Variants in SNTG1 observed in about 807,000 individuals in gnomAD.
SNTG1 encodes syntrophin gamma 1.
A neutral mutation model predicts 74.7 loss-of-function variants in SNTG1; 39 were observed. The observed-to-expected ratio is 0.52, with a 90% CI of 0.40 to 0.68. The LOEUF is 0.68. SNTG1 is among the 30% of genes least tolerant of loss of function. The pLI, the probability that SNTG1 is intolerant of heterozygous loss-of-function variation, is 0.00. For missense variants in SNTG1, 685 were observed against 609.5 expected, an observed-to-expected ratio of 1.12 and a Z score of -1.30; for synonymous variants, 254 against 217.1, an observed-to-expected ratio of 1.17 and a Z score of -1.49.
At chr8:50,498,203 T>C (rs75217011) in intron 8 of SNTG1, among the ~76,000 whole-genome samples, 8,248 of 152,012 alleles carry the variant, frequency 0.054, 338 homozygotes, top group South Asian at 0.18. Flanking sequence ...CCAAAATCAT[T>C]GTGACATTTT....
intron 9 of SNTG1, among the ~76,000 whole-genome samples, chr8:50,514,545 C>T (rs981447897): frequency 1.3e-5 from 2 of 152,078 alleles, no homozygotes; most frequent in Non-Finnish European, 2.9e-5. Flanking sequence ...TTTCAGTTCT[C>T]TCTCTGCTAT....
intron 1 of SNTG1, among the ~76,000 whole-genome samples, chr8:50,002,772 C>T (rs752599724): frequency 2.6e-5 from 4 of 152,052 alleles, no homozygotes; most frequent in Non-Finnish European, 5.9e-5. Flanking sequence ...AAAATAAAAA[C>T]ATATGCCCAT....
intron 17 of SNTG1, among the ~76,000 whole-genome samples, chr8:50,717,681 G>A (rs1232751577): frequency 6.6e-6 from 1 of 152,144 alleles, no homozygotes. Flanking sequence ...TACAGACACA[G>A]TGAGCCTCAT....
chr8:49,930,094 C>T (rs1807424175), intron 1 of SNTG1, among the ~76,000 whole-genome samples: 1 of 151,974 alleles, frequency 6.6e-6, no homozygotes, highest in South Asian at 2.1e-4. Flanking sequence ...GTCCAGACTG[C>T]TTCGAAAACA....
intron 13 of SNTG1, among the ~76,000 whole-genome samples, chr8:50,625,369 G>A (rs1483079704): frequency 3.9e-5 from 6 of 152,196 alleles, no homozygotes; most frequent in Admixed American, 2.6e-4. Flanking sequence ...TTTAATGAAC[G>A]TTGTGAAGGA....
intron 4 of SNTG1, among the ~76,000 whole-genome samples, chr8:50,432,283 A>G (rs1010757037): frequency 2.0e-5 from 3 of 151,370 alleles, no homozygotes; most frequent in East Asian, 3.9e-4. Flanking sequence ...GCTTTTCTCT[A>G]TTGAATTGTT....
At chr8:50,609,328 A>C (rs1402626332) in intron 13 of SNTG1, among the ~76,000 whole-genome samples, 1 of 151,916 alleles carries the variant, frequency 6.6e-6, no homozygotes, top group African/African-American at 2.4e-5. Flanking sequence ...ATCTTTGTTG[A>C]CCTTTTTTGT....
chr8:50,664,924 T>C (rs1441552475), intron 15 of SNTG1, among the ~76,000 whole-genome samples: 1 of 152,194 alleles, frequency 6.6e-6, no homozygotes, highest in Non-Finnish European at 1.5e-5. Context: ...CAGGAAACCC[T>C]TAAAAACTAG....
chr8:50,521,583 T>C (rs1158239174), intron 9 of SNTG1, among the ~76,000 whole-genome samples: 1 of 152,132 alleles, frequency 6.6e-6, no homozygotes, highest in Non-Finnish European at 1.5e-5. Flanking sequence ...ATGAAGTTTG[T>C]CACATTCATT....
intron 18 of SNTG1, among the ~76,000 whole-genome samples, chr8:50,786,403 T>C (rs973241813): frequency 6.6e-6 from 1 of 151,960 alleles, no homozygotes; most frequent in African/African-American, 2.4e-5. Flanking sequence ...GTGCATAAAT[T>C]AGAAAACTTA....
At chr8:50,310,944 C>T (rs2090088299) in intron 2 of SNTG1, among the ~76,000 whole-genome samples, 1 of 152,084 alleles carries the variant, frequency 6.6e-6, no homozygotes, top group African/African-American at 2.4e-5. Context: ...CAATTGCCAC[C>T]TCCTGCCTTT....
chr8:49,915,876 A>C (rs1805982999), intron 1 of SNTG1, among the ~76,000 whole-genome samples: 1 of 152,152 alleles, frequency 6.6e-6, no homozygotes, highest in Non-Finnish European at 1.5e-5. Context: ...GAAAGCCTAG[A>C]TTTTATTCAT....
intron 12 of SNTG1, among the ~76,000 whole-genome samples, chr8:50,576,662 A>G (rs1409020384): frequency 6.6e-6 from 1 of 151,830 alleles, no homozygotes; most frequent in Admixed American, 6.6e-5. Context: ...ATTACATTTT[A>G]TAAGCGTTTC....
intron 8 of SNTG1, among the ~76,000 whole-genome samples, chr8:50,483,291 G>A (rs1198544444): frequency 1.3e-5 from 2 of 152,158 alleles, no homozygotes; most frequent in South Asian, 2.1e-4. Flanking sequence ...ACTATGAAGT[G>A]ATAGAATGGA....
At chr8:50,295,988 A>C (rs1280611268) in intron 2 of SNTG1, among the ~76,000 whole-genome samples, 2 of 152,198 alleles carry the variant, frequency 1.3e-5, no homozygotes, top group African/African-American at 4.8e-5. Context: ...ATAGCTCATT[A>C]ATGTGATGCT....
At chr8:50,334,617 C>A (rs1222161084) in intron 2 of SNTG1, among the ~76,000 whole-genome samples, 1 of 152,018 alleles carries the variant, frequency 6.6e-6, no homozygotes, top group African/African-American at 2.4e-5. Flanking sequence ...GGAGAACATG[C>A]TGAAAGGTAG....
At chr8:50,499,580 C>G (rs1327594783) in intron 8 of SNTG1, among the ~76,000 whole-genome samples, 1 of 151,584 alleles carries the variant, frequency 6.6e-6, no homozygotes, top group African/African-American at 2.4e-5. Context: ...TAAAAGTAGA[C>G]AGTGTGGACA....
intron 2 of SNTG1, among the ~76,000 whole-genome samples, chr8:50,213,373 G>A (rs1240362791): frequency 6.6e-6 from 1 of 152,116 alleles, no homozygotes; most frequent in Admixed American, 6.6e-5. Context: ...TGATAAAATT[G>A]ACTTAAAAAG....
At chr8:50,453,652 A>G (rs2093476287) in intron 8 of SNTG1, among the ~76,000 whole-genome samples, 1 of 152,252 alleles carries the variant, frequency 6.6e-6, no homozygotes, top group Non-Finnish European at 1.5e-5. Flanking sequence ...ATGGGAATGA[A>G]TGAGAGTACC....
Sources: gnomAD v4.1 joint callset for allele counts (sites outside exome capture counted in the v4.1 genomes callset) on GRCh38, gnomAD v4.1.1 for gene constraint, MANE v1.5 for transcripts, NCBI Gene and HGNC (gene_info 2026-07-23, HGNC 2026-07-21) for gene names.